Variants in DPP8 observed in about 807,000 individuals in gnomAD.
The protein encoded by DPP8 is dipeptidyl peptidase 8, also known as DPP VIII.
DPP8 carries 31 observed loss-of-function variants against 107.5 expected under a neutral mutation model. The ratio of observed to expected loss-of-function variants is 0.29; its 90% CI spans 0.22 to 0.39. DPP8 has a LOEUF of 0.39. DPP8 is among the 10% of genes least tolerant of loss of function. The probability of loss-of-function intolerance (pLI) is 1.00; values close to 1 mark genes in which losing one functional copy is unlikely to be tolerated. For synonymous variants in DPP8, 381 were observed against 356.6 expected, an observed-to-expected ratio of 1.07 and a Z score of -0.77; for missense variants, 842 against 1,076.1, an observed-to-expected ratio of 0.78 and a Z score of 3.04.
At chr15:65,514,058 T>C (rs946774611) in intron 1 of DPP8, among the ~76,000 whole-genome samples, 1 of 152,230 alleles carries the variant, frequency 6.6e-6, no homozygotes, top group Admixed American at 6.5e-5. Context: ...ATTTGAAGGC[T>C]AACATAAATT....
chr15:65,448,585 T>A (rs1331279528), intron 19 of DPP8, among the ~76,000 whole-genome samples: 1 of 142,344 alleles, frequency 7.0e-6, no homozygotes, highest in Non-Finnish European at 1.5e-5. Flanking sequence ...GGCAGTAGAA[T>A]GGCGTGAACC....
At chr15:65,464,678 A>C (rs2065192271) in intron 14 of DPP8, among the ~76,000 whole-genome samples, 2 of 152,202 alleles carry the variant, frequency 1.3e-5, no homozygotes, top group Admixed American at 6.5e-5. Flanking sequence ...CGACAGAACA[A>C]GACACTGTCT....
Position 65,466,765 on chromosome 15 carries a change from A to T in DPP8, c.1738T>A (p.Cys580Ser), listed in dbSNP as rs1435028919. The T allele has an allele frequency of 6.2e-6, 10 of 1,613,874 alleles. No homozygotes were observed. Among genetic ancestry groups the T allele is most frequent in the Non-Finnish European group, 8.5e-6 (10 of 1,179,846 alleles). ...SKYSNQKNPH[C>S]VSLYKLSSPE... ...CTTGATAGCTTGTAAAGGGACACAC[A>T]GTGTGGATTCTTCTGGTTACTATAC... The change falls in exon 14 of 20, where the codon TGT becomes AGT. Residue 580 changes from cysteine to serine, a missense_variant. Around this residue, in one of 2 missense-constraint regions of DPP8, gnomAD observed 663 missense variants for 758.0 expected, o/e 0.87. Coordinates refer to ENST00000300141, the MANE Select transcript of DPP8 (RefSeq NM_130434.5).
intron 11 of DPP8, among the ~76,000 whole-genome samples, chr15:65,474,759 ATTGT>A (rs1169955590): frequency 2.2e-4 from 33 of 152,370 alleles, no homozygotes; most frequent in African/African-American, 7.5e-4. Flanking sequence ...ATGGGCCTGA[ATTGT>A]TTATTTTTAA....
intron 3 of DPP8, among the ~76,000 whole-genome samples, chr15:65,506,498 C>T (rs2141053247): frequency 6.6e-6 from 1 of 151,954 alleles, no homozygotes; most frequent in South Asian, 2.1e-4. Context: ...CCTGTAATCT[C>T]AGCACTGTGG....
chr15:65,454,859 C>T (rs553032601), intron 16 of DPP8, among the ~76,000 whole-genome samples: 87 of 152,194 alleles, frequency 5.7e-4, no homozygotes, highest in African/African-American at 2.1e-3. Flanking sequence ...TTATTACCAA[C>T]TGAGATTCTG....
chr15:65,454,111 C>T (rs1276455987), intron 17 of DPP8, 152 bp downstream of exon 17: 25 of 486,738 alleles, frequency 5.1e-5, no homozygotes, highest in East Asian at 1.6e-4. Context: ...CACTCCAGCC[C>T]GGGTTACAGA....
chr15:65,514,495 T>C (rs1447042295), intron 1 of DPP8, among the ~76,000 whole-genome samples: 1 of 151,888 alleles, frequency 6.6e-6, no homozygotes, highest in East Asian at 1.9e-4. Flanking sequence ...ACGGAACCAG[T>C]TTTGTTGTTG....
intron 9 of DPP8, among the ~76,000 whole-genome samples, chr15:65,480,650 T>C (rs2066839266): frequency 6.6e-6 from 1 of 152,180 alleles, no homozygotes; most frequent in Non-Finnish European, 1.5e-5. Context: ...TTTATCCCGG[T>C]AGGCTGGCAT....
rs1247748288 is a variant in DPP8, at chr15:65,443,348, A to G, written c.*3536T>C. The G allele has an allele frequency of 1.3e-5, 2 of 152,186 alleles. No individual in the cohort carries two copies. Among genetic ancestry groups the G allele is most frequent in the Non-Finnish European group, 2.9e-5 (2 of 68,048 alleles). 9.4% of individuals were successfully genotyped at this position (152,186 alleles called of 1,614,324 possible). A position where few individuals can be genotyped will look rare whatever the true frequency, so the allele number is the denominator to read the frequency against. On this transcript the variant is annotated 3_prime_UTR_variant, in exon 20 of 20. Coordinates refer to ENST00000300141, the MANE Select transcript of DPP8 (RefSeq NM_130434.5). ...GGTTGTTCTTCTAACAAATGAGAAT[A>G]TCAGCTTAGATTAAATCAAATATTG...
chr15:65,474,201 T>C lies in DPP8; in HGVS notation c.1536+8A>G. The C allele has an allele frequency of 6.3e-6, 10 of 1,595,494 alleles. No homozygotes were observed. Among genetic ancestry groups the C allele is most frequent in the Non-Finnish European group, 8.6e-6 (10 of 1,163,094 alleles). ...GACCAAACATATCAGTAGAATAAAA[T>C]AACATACATTAGATCCATGCCGGCC... On this transcript the variant is annotated splice_region_variant and intron_variant, in intron 12 of 19. Transcript: ENST00000300141.
chr15:65,481,753 G>A, intron 8 of DPP8, 138 bp from the exon 9 acceptor site: 1 of 515,996 alleles, frequency 1.9e-6, no homozygotes, highest in South Asian at 3.0e-5. Flanking sequence ...AAAGGATATA[G>A]CAAATCTAGA....
At position 65,444,732 on chromosome 15, in the gene DPP8, A is replaced by G. The variant is rs2063428497; in HGVS notation, c.*2152T>C. 6.6e-6 allele frequency: 1 copy of G among 152,248 alleles called. No individual in the cohort carries two copies. The highest frequency in any genetic ancestry group is 1.5e-5 in the Non-Finnish European group (1 of 68,048). 9.4% of individuals were successfully genotyped at this position (152,248 alleles called of 1,614,324 possible). ...AACTCCAGAGTACATGAAGTTTTCT[A>G]AGTTTGTTTCGGTAAAATAAGAGAT... On this transcript the variant is annotated 3_prime_UTR_variant, in exon 20 of 20. Coordinates refer to ENST00000300141, the MANE Select transcript of DPP8 (RefSeq NM_130434.5).
intron 1 of DPP8, among the ~76,000 whole-genome samples, chr15:65,514,318 A>G (rs1417011483): frequency 6.6e-6 from 1 of 152,228 alleles, no homozygotes; most frequent in African/African-American, 2.4e-5. Context: ...TTCAATGACT[A>G]AAATCCAAAA....
rs2063407846 is a variant in DPP8, at chr15:65,444,218, C to T, written c.*2666G>A. 1 of 152,162 alleles carries T rather than the reference C, an allele frequency of 6.6e-6. No individual in the cohort carries two copies. Among genetic ancestry groups the T allele is most frequent in the Non-Finnish European group, 1.5e-5 (1 of 68,042 alleles). The allele number at this position is 152,162 out of a possible 1,614,324, so 9.4% of individuals were successfully genotyped here. On this transcript the variant is annotated 3_prime_UTR_variant, in exon 20 of 20. Coordinates refer to ENST00000300141, the MANE Select transcript of DPP8 (RefSeq NM_130434.5). The stretch of plus-strand genomic sequence containing the variant: ...ACAGGCGTGAGCCACCATGCCTAGC[C>T]TGGGAATACACATTTTTAAGAGTGA...
At chr15:65,503,699 T>C (rs907202113) in intron 3 of DPP8, among the ~76,000 whole-genome samples, 8 of 151,358 alleles carry the variant, frequency 5.3e-5, no homozygotes, top group Non-Finnish European at 1.0e-4. Context: ...TTAAGCTCAC[T>C]GCAACCTCTG....
intron 6 of DPP8, among the ~76,000 whole-genome samples, chr15:65,489,321 A>T (rs1360886937): frequency 6.6e-6 from 1 of 152,064 alleles, no homozygotes; most frequent in Non-Finnish European, 1.5e-5. Flanking sequence ...AGCCTCTAGG[A>T]GAAAAACTGG....
intron 4 of DPP8, among the ~76,000 whole-genome samples, chr15:65,498,613 G>A (rs2068845091): frequency 6.6e-6 from 1 of 151,998 alleles, no homozygotes; most frequent in Non-Finnish European, 1.5e-5. Context: ...GTTTAAGAGA[G>A]TAATTACTGT....
chr15:65,483,495 C>T (rs1254825003), intron 8 of DPP8, among the ~76,000 whole-genome samples: 5 of 151,880 alleles, frequency 3.3e-5, no homozygotes, highest in Non-Finnish European at 5.9e-5. Context: ...ATACTCCAGG[C>T]TGGGTGACAA....
Sources: allele counts gnomAD v4.1 joint callset (sites outside exome capture counted in the v4.1 genomes callset), GRCh38; gene constraint gnomAD v4.1.1; regional missense constraint gnomAD v4.1.1; transcripts MANE v1.5; gene names NCBI Gene and HGNC (gene_info 2026-07-23, HGNC 2026-07-21).